ABI3BP: variants seen among roughly 807,000 people sequenced by gnomAD.
ABI3BP encodes the protein target of Nesh-SH3.
A neutral mutation model predicts 268.6 loss-of-function variants in ABI3BP; 216 were observed. The observed-to-expected ratio is 0.80, with a 90% CI of 0.72 to 0.90. The LOEUF (loss-of-function observed/expected upper bound fraction) is 0.90, where lower values mean the gene tolerates loss of function less well. Ranked by LOEUF, ABI3BP falls within the 40% of genes least tolerant of loss-of-function variation. ABI3BP has a pLI of 0.00. For missense variants in ABI3BP, 2,090 were observed against 2,182.4 expected (o/e 0.96, Z 0.84); for synonymous variants, 730 against 730.0 (o/e 1.00, Z 0.00).
chr3:100,758,976 G>A (rs1261603134), intron 63 of ABI3BP, among the ~76,000 whole-genome samples: 1 of 152,066 alleles, frequency 6.6e-6, no homozygotes, highest in African/African-American at 2.4e-5. Flanking sequence ...TCCCTACCCC[G>A]TTTTGATCCT....
chr3:100,819,165 A>G (rs1040093424), intron 40 of ABI3BP, among the ~76,000 whole-genome samples: 1 of 152,146 alleles, frequency 6.6e-6, no homozygotes, highest in African/African-American at 2.4e-5. Flanking sequence ...TCCGAGTCAT[A>G]TCTTCAAGGA....
intron 32 of ABI3BP, 49 bp from the exon 33 acceptor site, chr3:100,829,713 C>CT: frequency 6.5e-6 from 9 of 1,389,192 alleles, no homozygotes; most frequent in Non-Finnish European, 8.9e-6. Context: ...GTTCCGGAAG[C>CT]TGTGGATAAG....
At chr3:100,816,600 G>A (rs948796273) in intron 43 of ABI3BP, 88 bp downstream of exon 43, 27 of 1,044,274 alleles carry the variant, frequency 2.6e-5, no homozygotes, top group African/African-American at 2.5e-4. Flanking sequence ...GTTACTTCCC[G>A]TCATAGGCAT....
At chr3:100,787,087 G>T (rs887637463) in intron 57 of ABI3BP, among the ~76,000 whole-genome samples, 1 of 151,894 alleles carries the variant, frequency 6.6e-6, no homozygotes, top group Non-Finnish European at 1.5e-5. Flanking sequence ...CTATGTTAAG[G>T]CATCTAAATA....
At chr3:100,808,271 C>A in intron 49 of ABI3BP, 36 bp from the exon 50 acceptor site, 1 of 1,521,470 alleles carries the variant, frequency 6.6e-7, no homozygotes, top group Non-Finnish European at 8.9e-7. Flanking sequence ...AATCTTGAGC[C>A]CTTCAAGAAT....
At chr3:100,752,704 CTT>C in intron 66 of ABI3BP, 81 bp downstream of exon 66, 1 of 1,487,346 alleles carries the variant, frequency 6.7e-7, no homozygotes. Flanking sequence ...GCCTGAAACT[CTT>C]AAGAAAAGGC....
At position 100,811,784 on chromosome 3, in the gene ABI3BP, T is replaced by C. The variant is rs2097865064; in HGVS notation, c.3437A>G (p.Asp1146Gly). 6.5e-7 allele frequency: 1 copy of C among 1,535,490 alleles called. No individual in the cohort carries two copies. The highest frequency in any genetic ancestry group is 8.7e-7 in the Non-Finnish European group (1 of 1,146,454). ...PKETIAPAKT[D>G]YVYPTAKAPL... ...TGCTTTGGCAGTGGGATATACATAG[T>C]CTGTTTTGGCTGGTGCTAGGGAAGA... The change falls in exon 47 of 68, where the codon GAC becomes GGC. Residue 1146 changes from aspartate (D) to glycine (G), a missense_variant. Coordinates refer to ENST00000471714, the MANE Select transcript of ABI3BP (RefSeq NM_001375547.2).
chr3:100,874,950 G>A lies in ABI3BP; in HGVS notation c.818-17C>T, dbSNP rs1206398849. On this transcript the variant is annotated splice_polypyrimidine_tract_variant and intron_variant, in intron 8 of 67. Coordinates refer to ENST00000471714, the MANE Select transcript of ABI3BP (RefSeq NM_001375547.2). ...TAAGGTGGACTGCAAGGAAATAGATGTAAATAAGATAAGGGGAAGAAAGTG... is the reference window on the plus strand; with the variant it reads ...TAAGGTGGACTGCAAGGAAATAGATATAAATAAGATAAGGGGAAGAAAGTG... 2.7e-6 allele frequency: 4 copies of A among 1,458,820 alleles called. No homozygotes were observed. The highest frequency in any genetic ancestry group is 1.9e-5 in the Admixed American group (1 of 53,874). The allele number at this position is 1,458,820 out of a possible 1,614,324, so 90.4% of individuals were successfully genotyped here.
intron 4 of ABI3BP, among the ~76,000 whole-genome samples, chr3:100,897,841 T>C (rs1297927982): frequency 6.6e-6 from 1 of 152,220 alleles, no homozygotes; most frequent in Non-Finnish European, 1.5e-5. Context: ...AAAAATCACT[T>C]TGAATGTATT....
chr3:100,837,112 A>C lies in ABI3BP; in HGVS notation c.2131+12T>G, dbSNP rs2098605673. On this transcript the variant is annotated intron_variant, in intron 27 of 67. Coordinates refer to ENST00000471714, the MANE Select transcript of ABI3BP (RefSeq NM_001375547.2). ...GAGAAACATTGGCCAAGAAGGAAGA[A>C]AGCATCATTACCTATGGTCATTGAG... 1.3e-6 allele frequency: 2 copies of C among 1,529,194 alleles called. No homozygotes were observed. Among genetic ancestry groups the C allele is most frequent in the Non-Finnish European group, 1.7e-6 (2 of 1,143,572 alleles). 94.7% of individuals were successfully genotyped at this position (1,529,194 alleles called of 1,614,324 possible).
intron 4 of ABI3BP, among the ~76,000 whole-genome samples, chr3:100,889,842 G>A (rs1471628991): frequency 6.6e-6 from 1 of 152,126 alleles, no homozygotes; most frequent in African/African-American, 2.4e-5. Flanking sequence ...AAGGCAGGTA[G>A]TAGCTTGACT....
chr3:100,819,144 AG>A (rs1484927833), intron 40 of ABI3BP, among the ~76,000 whole-genome samples: 3 of 152,188 alleles, frequency 2.0e-5, no homozygotes, highest in African/African-American at 7.2e-5. Context: ...TTCTTGGGTC[AG>A]ATGCAAACTT....
intron 7 of ABI3BP, 95 bp downstream of exon 7, chr3:100,876,414 CAAT>C (rs1246492273): frequency 1.8e-6 from 2 of 1,102,144 alleles, no homozygotes; most frequent in Non-Finnish European, 2.6e-6. Context: ...AAAAAAAAAT[CAAT>C]TAAAAAATCG....
rs546345575 is a variant in ABI3BP at position 100,871,475 on chromosome 3, T to A, written c.910+3366A>T. On this transcript the variant is annotated intron_variant, in intron 9 of 67. Coordinates refer to ENST00000471714, the MANE Select transcript of ABI3BP (RefSeq NM_001375547.2). ...TGTCCCCACAAATCTCATCTTGAAT[T>A]CCCACATGTTGCGGGAGGGGCCTGG... Among the ~76,000 whole-genome samples the A allele has an allele frequency of 1.8e-4, 27 of 152,308 alleles. No homozygotes were observed. The South Asian group carries it at 2.9e-3, about 16-fold the overall frequency.
Position 100,752,483 on chromosome 3 carries a change from G to GT in ABI3BP, c.5122+303dup, listed in dbSNP as rs377448678. On this transcript the variant is annotated intron_variant, in intron 66 of 67. Transcript: ENST00000471714. ...GATTTAGTCACTTTATTGTCAGTCG[G>GT]TTTTTTTATCCCTGGATGGTTGTAA... 3.1e-3 allele frequency: 782 copies of GT among 254,322 alleles called. 8 individuals carry two copies. The highest frequency in any genetic ancestry group is 0.015 in the African/African-American group (701 of 45,568). The allele number at this position is 254,322 out of a possible 1,614,324, so 15.8% of individuals were successfully genotyped here.
chr3:100,755,116 C>T (rs899274968), intron 63 of ABI3BP, among the ~76,000 whole-genome samples: 5 of 152,176 alleles, frequency 3.3e-5, no homozygotes, highest in Non-Finnish European at 5.9e-5. Flanking sequence ...GAGTATAACC[C>T]TGGACTTAGG....
chr3:100,850,571 G>T, intron 16 of ABI3BP, 89 bp downstream of exon 16: 2 of 932,966 alleles, frequency 2.1e-6, no homozygotes, highest in Non-Finnish European at 3.5e-6. Context: ...AGATGTGATG[G>T]AATGAAATGG....
chr3:100,756,651 A>G (rs2095634234), intron 63 of ABI3BP, among the ~76,000 whole-genome samples: 1 of 152,146 alleles, frequency 6.6e-6, no homozygotes, highest in African/African-American at 2.4e-5. Context: ...GTTCCAGGCC[A>G]TTGCCAAAAG....
Position 100,993,402 on chromosome 3 carries a change from G to T in ABI3BP, c.-18C>A, listed in dbSNP as rs539612256. 67 of 1,550,082 alleles carry T rather than the reference G, an allele frequency of 4.3e-5. No individual in the cohort carries two copies. The highest frequency in any genetic ancestry group is 5.5e-5 in the Non-Finnish European group (63 of 1,145,506). On this transcript the variant is annotated 5_prime_UTR_variant, in exon 1 of 68. Coordinates refer to ENST00000471714, the MANE Select transcript of ABI3BP (RefSeq NM_001375547.2). ...GAGAGCATGTTGCATTTGCCACCTC[G>T]CATGGGGAATGATGCTGGTGGGTGC...
Sources: allele counts gnomAD v4.1 joint callset (sites outside exome capture counted in the v4.1 genomes callset), GRCh38; gene constraint gnomAD v4.1.1; transcripts MANE v1.5; gene names NCBI Gene and HGNC (gene_info 2026-07-23, HGNC 2026-07-21).